The following CHRM5 variants were observed in gnomAD, a reference collection of about 807,000 sequenced individuals.
The protein encoded by CHRM5 is cholinergic receptor muscarinic 5.
A neutral mutation model predicts 39.0 loss-of-function variants in CHRM5; 18 were observed. The observed-to-expected ratio is 0.46, with a 90% CI of 0.32 to 0.68. CHRM5 has a LOEUF of 0.68. Among genes scored for constraint, CHRM5 ranks in the 30% least tolerant of loss-of-function variants. The pLI, the probability that CHRM5 is intolerant of heterozygous loss-of-function variation, is 0.04. For synonymous variants in CHRM5, 241 were observed against 246.3 expected (o/e 0.98, Z 0.20); for missense variants, 515 against 651.1 (o/e 0.79, Z 2.28).
intron 2 of CHRM5, among the ~76,000 whole-genome samples, chr15:34,058,167 T>C (rs1439755061): frequency 2.0e-5 from 3 of 152,180 alleles, no homozygotes; most frequent in East Asian, 1.9e-4. Flanking sequence ...ACCCACATTA[T>C]GGTGGGTAAT....
chr15:34,029,325 C>A (rs7175823), intron 1 of CHRM5, among the ~76,000 whole-genome samples: 23,169 of 151,924 alleles, frequency 0.15, 2,133 homozygotes, highest in Middle Eastern at 0.28. Flanking sequence ...CATAAAATAA[C>A]ACCTGGCCAC....
chr15:34,064,708 G>A lies in CHRM5; in HGVS notation c.*392G>A, dbSNP rs998064858. Reference sequence around the variant, plus strand: ...GTGGAAACCTGTCATAGAATTTTGTGCAATATGTATGTGTCTATGAAGCTG... The same window carrying A: ...GTGGAAACCTGTCATAGAATTTTGTACAATATGTATGTGTCTATGAAGCTG... On this transcript the variant is annotated 3_prime_UTR_variant, in exon 3 of 3. Coordinates refer to ENST00000383263, the MANE Select transcript of CHRM5 (RefSeq NM_012125.4). 1.1e-4 allele frequency: 24 copies of A among 225,648 alleles called. No individual in the cohort carries two copies. Among genetic ancestry groups the A allele is most frequent in the Middle Eastern group, 1.9e-3 (1 of 516 alleles). 14.0% of individuals were successfully genotyped at this position (225,648 alleles called of 1,614,324 possible).
At chr15:34,028,565 TAAAAC>T (rs1898607423) in intron 1 of CHRM5, among the ~76,000 whole-genome samples, 1 of 152,058 alleles carries the variant, frequency 6.6e-6, no homozygotes, top group African/African-American at 2.4e-5. Context: ...GATCTTGTCT[TAAAAC>T]AAACAACAAC....
intron 1 of CHRM5, chr15:34,003,233 ATAAG>A (rs1247408222): frequency 2.5e-6 from 4 of 1,610,034 alleles, no homozygotes; most frequent in Non-Finnish European, 3.4e-6. Flanking sequence ...AGACAAATCA[ATAAG>A]TAAGCAGTGG....
intron 1 of CHRM5, among the ~76,000 whole-genome samples, chr15:34,042,182 A>C (rs1300921250): frequency 6.6e-6 from 1 of 152,204 alleles, no homozygotes; most frequent in Non-Finnish European, 1.5e-5. Flanking sequence ...TGGATTGCAT[A>C]AATAACAAAG....
At chr15:34,004,096 C>G (rs1897239938) in intron 1 of CHRM5, among the ~76,000 whole-genome samples, 1 of 152,170 alleles carries the variant, frequency 6.6e-6, no homozygotes, top group African/African-American at 2.4e-5. Context: ...GTGTGAGCAA[C>G]TAGTTGTATA....
chr15:34,019,936 C>T (rs952549721), intron 1 of CHRM5, among the ~76,000 whole-genome samples: 36 of 152,298 alleles, frequency 2.4e-4, no homozygotes, highest in African/African-American at 7.7e-4. Context: ...TTAAGCAGTT[C>T]TTTTGTATGC....
At chr15:33,972,761 T>A (rs1034043971) in intron 1 of CHRM5, among the ~76,000 whole-genome samples, 1 of 152,188 alleles carries the variant, frequency 6.6e-6, no homozygotes, top group Non-Finnish European at 1.5e-5. Flanking sequence ...GCAGACCAAC[T>A]AATCCTTCCA....
chr15:34,042,044 C>G (rs999445992), intron 1 of CHRM5, among the ~76,000 whole-genome samples: 2 of 152,308 alleles, frequency 1.3e-5, no homozygotes, highest in African/African-American at 4.8e-5. Context: ...GCGGACACAA[C>G]TAGCCAAAGT....
At position 34,064,003 on chromosome 15, in the gene CHRM5, G is replaced by A. The variant is rs762689264; in HGVS notation, c.1286G>A (p.Arg429Gln). Residue 429 changes from arginine to glutamine, a missense_variant, in exon 3 of 3, where the codon CGA becomes CAA. Coordinates refer to ENST00000383263, the MANE Select transcript of CHRM5 (RefSeq NM_012125.4). ...NPNPSHQMTK[R>Q]KRVVLVKERK... ...AACCCCAGCCATCAAATGACCAAACGAAAGAGAGTGGTCCTAGTCAAAGAG... is the reference window on the plus strand; with the variant it reads ...AACCCCAGCCATCAAATGACCAAACAAAAGAGAGTGGTCCTAGTCAAAGAG... 6.8e-6 allele frequency: 11 copies of A among 1,614,042 alleles called. No homozygotes were observed. The highest frequency in any genetic ancestry group is 1.7e-5 in the Admixed American group (1 of 59,992).
chr15:34,063,624 T>C lies in CHRM5; in HGVS notation c.907T>C (p.Cys303Arg), dbSNP rs777064271. 3 of 1,614,034 alleles carry C rather than the reference T, an allele frequency of 1.9e-6. No homozygotes were observed. The South Asian group carries it at 3.3e-5, about 18-fold the overall frequency. Residue 303 changes from cysteine to arginine, a missense_variant, in exon 3 of 3, where the codon TGT becomes CGT. Transcript: ENST00000383263. This position sits in a 1 kb window ranked among gnomAD's most constrained non-coding sequence, Gnocchi z 4.1. Reference sequence around the variant, plus strand: ...GGCCAAAGCTGAGCAGCTCACCACCTGTAGCAGCTACCCTTCCTCAGAGGA... The same window carrying C: ...GGCCAAAGCTGAGCAGCTCACCACCCGTAGCAGCTACCCTTCCTCAGAGGA... The part of the protein sequence containing the change: ...NWAKAEQLTT[C>R]SSYPSSEDED...
intron 1 of CHRM5, among the ~76,000 whole-genome samples, chr15:34,004,782 A>C (rs1897271910): frequency 6.6e-6 from 1 of 152,156 alleles, no homozygotes; most frequent in South Asian, 2.1e-4. Flanking sequence ...CTGTATTATT[A>C]TTCTATCTAC....
chr15:34,041,615 C>CT (rs1899479885), intron 1 of CHRM5, among the ~76,000 whole-genome samples: 1 of 152,276 alleles, frequency 6.6e-6, no homozygotes, highest in South Asian at 2.1e-4. Context: ...CTCAGTAACA[C>CT]TTTTGAAAGG....
At position 34,065,493 on chromosome 15, in the gene CHRM5, C is replaced by T. The variant is rs1900486863; in HGVS notation, c.*1177C>T. 6.6e-6 allele frequency: 1 copy of T among 152,112 alleles called. No homozygotes were observed. The highest frequency in any genetic ancestry group is 1.5e-5 in the Non-Finnish European group (1 of 68,018). The allele number at this position is 152,112 out of a possible 1,614,324, so 9.4% of individuals were successfully genotyped here. On this transcript the variant is annotated 3_prime_UTR_variant, in exon 3 of 3. Transcript: ENST00000383263. The stretch of plus-strand genomic sequence containing the variant: ...GGTAGAAAGTCTTTTTTTATAGGTC[C>T]TTCAAATCAGGGCCTAAAAATGACT...
At chr15:34,046,973 C>T (rs573774014) in intron 2 of CHRM5, 102 bp downstream of exon 2, 13 of 152,404 alleles carry the variant, frequency 8.5e-5, no homozygotes, top group African/African-American at 2.9e-4. Flanking sequence ...CCAGCAGAGC[C>T]TTAGGTCCAA....
chr15:33,997,570 T>C (rs561584233), intron 1 of CHRM5, among the ~76,000 whole-genome samples: 1 of 152,264 alleles, frequency 6.6e-6, no homozygotes, highest in African/African-American at 2.4e-5. Context: ...CATTCTAATC[T>C]ACAGCCACCA....
At chr15:34,000,117 C>T (rs753039193) in intron 1 of CHRM5, among the ~76,000 whole-genome samples, 28 of 152,206 alleles carry the variant, frequency 1.8e-4, no homozygotes, top group Non-Finnish European at 3.2e-4. Context: ...CTCCCTCACC[C>T]TCCTCAGATC....
intron 1 of CHRM5, among the ~76,000 whole-genome samples, chr15:33,999,215 G>C (rs985357818): frequency 1.3e-5 from 2 of 152,178 alleles, no homozygotes; most frequent in Non-Finnish European, 2.9e-5. Context: ...TCAGAGTGGG[G>C]TCATCTTCAC....
intron 1 of CHRM5, among the ~76,000 whole-genome samples, chr15:33,977,252 A>T (rs1296052428): frequency 6.6e-6 from 1 of 152,068 alleles, no homozygotes; most frequent in East Asian, 1.9e-4. Flanking sequence ...TGCCTTTAGG[A>T]TAACAAGAAC....
Sources: allele counts gnomAD v4.1 joint callset (sites outside exome capture counted in the v4.1 genomes callset), GRCh38; gene constraint gnomAD v4.1.1; non-coding constraint Gnocchi (gnomAD v3.1); transcripts MANE v1.5; gene names NCBI Gene and HGNC (gene_info 2026-07-23, HGNC 2026-07-21).